Variants in SYNE3 observed in about 807,000 individuals in gnomAD.
SYNE3 encodes the protein nesprin-3.
In SYNE3, 100 loss-of-function variants were observed where a neutral mutation model predicts 111.2. The observed-to-expected ratio is 0.90, with a 90% CI of 0.77 to 1.06. The LOEUF (loss-of-function observed/expected upper bound fraction) is 1.06, where lower values mean the gene tolerates loss of function less well. Ranked by LOEUF, SYNE3 falls within the 50% of genes least tolerant of loss-of-function variation. The pLI is 0.00. For synonymous variants in SYNE3, 547 were observed against 533.9 expected (o/e 1.02, Z -0.34); for missense variants, 1,160 against 1,240.3 (o/e 0.94, Z 0.97).
At chr14:95,450,235 GT>G in intron 7 of SYNE3, 130 bp from the exon 8 acceptor site, 1 of 1,074,750 alleles carries the variant, frequency 9.3e-7, no homozygotes, top group South Asian at 1.6e-5. Flanking sequence ...TCCTGTTTCA[GT>G]TGCTGGGAAT....
chr14:95,452,475 G>A lies in SYNE3; in HGVS notation c.1138-92C>T, dbSNP rs1362728400. On this transcript the variant is annotated intron_variant, in intron 6 of 17. Transcript: ENST00000682763. Reference sequence around the variant, plus strand: ...GAGGGTGAGCGTGGCCAGTGGAGGTGGGCTAGGCTAGGAAGAAACTGTCAC... The same window carrying A: ...GAGGGTGAGCGTGGCCAGTGGAGGTAGGCTAGGCTAGGAAGAAACTGTCAC... 27 of 1,422,312 alleles carry A rather than the reference G, an allele frequency of 1.9e-5. No homozygotes were observed. In the Admixed American group the frequency reaches 1.9e-4, roughly 10 times the overall value. The allele number at this position is 1,422,312 out of a possible 1,614,324, so 88.1% of individuals were successfully genotyped here.
intron 17 of SYNE3, among the ~76,000 whole-genome samples, chr14:95,431,303 A>G (rs1434664686): frequency 6.6e-6 from 1 of 152,182 alleles, no homozygotes; most frequent in Non-Finnish European, 1.5e-5. Flanking sequence ...GCCAGAGACC[A>G]CTGAGGGGCT....
intron 1 of SYNE3, among the ~76,000 whole-genome samples, chr14:95,487,393 G>C (rs1889602153): frequency 6.6e-6 from 1 of 152,212 alleles, no homozygotes; most frequent in African/African-American, 2.4e-5. Context: ...GTGAGGGATA[G>C]AGTGAGACCC....
intron 6 of SYNE3, among the ~76,000 whole-genome samples, chr14:95,454,336 C>T (rs962553285): frequency 4.6e-5 from 7 of 152,260 alleles, no homozygotes; most frequent in African/African-American, 1.7e-4. Context: ...CCTGTCTCCA[C>T]CTATTGGATG....
intron 7 of SYNE3, 95 bp downstream of exon 7, chr14:95,452,152 T>C: frequency 7.2e-7 from 1 of 1,390,726 alleles, no homozygotes; most frequent in South Asian, 1.6e-5. Flanking sequence ...TAGAAGTTAC[T>C]ATGTTGTAGG....
chr14:95,474,953 T>C (rs1010217893), intron 2 of SYNE3, among the ~76,000 whole-genome samples: 6 of 152,208 alleles, frequency 3.9e-5, no homozygotes, highest in Non-Finnish European at 7.3e-5. Flanking sequence ...AACTGCTCCA[T>C]TTGCAGATGG....
At chr14:95,437,801 G>C (rs1405561120) in intron 14 of SYNE3, 1 of 152,016 alleles carries the variant, frequency 6.6e-6, no homozygotes, top group East Asian at 1.9e-4. Flanking sequence ...AATGTAGTTA[G>C]TTCTTTTTTT....
At chr14:95,484,296 G>A (rs1451912184) in intron 1 of SYNE3, among the ~76,000 whole-genome samples, 1 of 152,188 alleles carries the variant, frequency 6.6e-6, no homozygotes, top group Non-Finnish European at 1.5e-5. Flanking sequence ...GCAGAGATAT[G>A]TTCCTAGGGC....
rs114569407 is a variant in SYNE3 at position 95,436,636 on chromosome 14, C to T, written c.2538+184G>A. Among the ~76,000 whole-genome samples, 865 of 152,268 alleles carry T rather than the reference C, an allele frequency of 5.7e-3. 8 individuals carry two copies. Among genetic ancestry groups the T allele is most frequent in the African/African-American group, 0.02 (827 of 41,530 alleles). ...GAACTACATAAGCATGCTGAACACACGAATGAATGCCAGAAAAAGTTCTAA... is the reference window on the plus strand; with the variant it reads ...GAACTACATAAGCATGCTGAACACATGAATGAATGCCAGAAAAAGTTCTAA... On this transcript the variant is annotated intron_variant, in intron 15 of 17. Coordinates refer to ENST00000682763, the MANE Select transcript of SYNE3 (RefSeq NM_152592.6).
chr14:95,428,322 T>C (rs1566957019), intron 17 of SYNE3, among the ~76,000 whole-genome samples: 1 of 152,158 alleles, frequency 6.6e-6, no homozygotes, highest in East Asian at 1.9e-4. Flanking sequence ...GACATTTTAA[T>C]TTAAAGGAAT....
intron 1 of SYNE3, among the ~76,000 whole-genome samples, chr14:95,515,746 G>A (rs1566694749): frequency 2.0e-5 from 3 of 152,338 alleles, no homozygotes; most frequent in South Asian, 4.1e-4. Context: ...AGGAACCTGG[G>A]AGAGTCCCAG....
At position 95,498,043 on chromosome 14, in the gene SYNE3, A is replaced by AT. The variant is rs1270581778; in HGVS notation, c.-15+18552_-15+18553insA. Among the ~76,000 whole-genome samples, 176 of 151,348 alleles carry AT rather than the reference A, an allele frequency of 1.2e-3. 2 individuals carry two copies. Among genetic ancestry groups the AT allele is most frequent in the Non-Finnish European group, 2.1e-3 (144 of 67,934 alleles). On this transcript the variant is annotated intron_variant, in intron 1 of 17. Transcript: ENST00000682763. The stretch of plus-strand genomic sequence containing the variant: ...ATCCCAACTCTTAAAAAAAAAAAAA[A>AT]GGAAAAAAGTAGCATCATAGAGCAG...
Position 95,436,970 on chromosome 14 carries a change from T to C in SYNE3, c.2388A>G (p.Leu796=). ...CTTCATGGCTCCCTTCTTCTTCCTGTAGAAGATTTGCCTGTAGGATCACAC... is the reference window on the plus strand; with the variant it reads ...CTTCATGGCTCCCTTCTTCTTCCTGCAGAAGATTTGCCTGTAGGATCACAC... The part of the protein sequence containing the change: ...IPRHRRRANL[L]QEEEGSHEDF... The change falls in exon 15 of 18, where the codon CTA becomes CTG. Residue 796 remains leucine, a synonymous_variant. Transcript: ENST00000682763. 1 of 1,613,168 alleles carries C rather than the reference T, an allele frequency of 6.2e-7. No individual in the cohort carries two copies. Among genetic ancestry groups the C allele is most frequent in the Non-Finnish European group, 8.5e-7 (1 of 1,179,988 alleles).
chr14:95,424,768 A>G (rs1885342446), intron 17 of SYNE3, among the ~76,000 whole-genome samples: 1 of 152,216 alleles, frequency 6.6e-6, no homozygotes, highest in Non-Finnish European at 1.5e-5. Context: ...CAAAAAGGTC[A>G]AGGTCAAGAA....
At chr14:95,472,001 G>A (rs546613537) in intron 2 of SYNE3, among the ~76,000 whole-genome samples, 2 of 152,168 alleles carry the variant, frequency 1.3e-5, no homozygotes, top group South Asian at 4.1e-4. Context: ...TAGGAAAGAG[G>A]GCTGCAGATA....
rs370007886 is a variant in SYNE3, at chr14:95,417,973, C to T, written c.2781G>A (p.Ala927=). 22 of 1,612,922 alleles carry T rather than the reference C, an allele frequency of 1.4e-5. No individual in the cohort carries two copies. Among genetic ancestry groups the T allele is most frequent in the Middle Eastern group, 3.7e-4 (2 of 5,418 alleles). ...GCAGCAGAAGCAGCTGCAGTGGGAGCGCCACACAGCACGCCCTCCGGAAGA... is the reference window on the plus strand; with the variant it reads ...GCAGCAGAAGCAGCTGCAGTGGGAGTGCCACACAGCACGCCCTCCGGAAGA... The part of the protein sequence containing the change: ...GSLFRRACCV[A]LPLQLLLLLF... The change falls in exon 18 of 18, where the codon GCG becomes GCA. Residue 927 remains alanine, a synonymous_variant. Transcript: ENST00000682763.
chr14:95,457,420 GT>G (rs111267090), intron 4 of SYNE3, 82 bp from the exon 5 acceptor site: 30 of 362,296 alleles, frequency 8.3e-5, no homozygotes, highest in Middle Eastern at 7.2e-4. Context: ...GCCTGCCTGG[GT>G]GTGTGTGTGT....
At position 95,455,571 on chromosome 14, in the gene SYNE3, G is replaced by A; in HGVS notation, c.943C>T (p.Leu315Phe). Residue 315 changes from leucine to phenylalanine, a missense_variant, in exon 6 of 18, where the codon CTC (leucine) becomes TTC (phenylalanine). Coordinates refer to ENST00000682763, the MANE Select transcript of SYNE3 (RefSeq NM_152592.6). The part of the protein sequence containing the change: ...MRKVLEKLRA[L>F]WEEEEERLRG... ...AGCCGCTCCTCCTCCTCCTCCCAGA[G>A]GGCGCGCAGCTTCTCCAGAACTTTC... The A allele has an allele frequency of 6.2e-7, 1 of 1,614,080 alleles. No individual in the cohort carries two copies. Among genetic ancestry groups the A allele is most frequent in the African/African-American group, 1.3e-5 (1 of 75,050 alleles).
rs760052843 is a variant in SYNE3, at chr14:95,443,228, T to C, written c.1838A>G (p.Gln613Arg). 1 of 1,614,248 alleles carries C rather than the reference T, an allele frequency of 6.2e-7. No individual in the cohort carries two copies. The highest frequency in any genetic ancestry group is 8.5e-7 in the Non-Finnish European group (1 of 1,180,042). Residue 613 changes from glutamine (Q) to arginine (R), a missense_variant, in exon 11 of 18, where the codon CAG becomes CGG. By Grantham distance (43) the Gln-to-Arg change is conservative. Transcript: ENST00000682763. ...TTTGTGCTGGTGGTTGGGGTTCTCC[T>C]GGACCAGAGGCCTTGCAGCCTCCAT... The part of the protein sequence containing the change: ...AQMEAARPLV[Q>R]ENPNHQHKMD...
Sources: gnomAD v4.1 joint callset for allele counts (sites outside exome capture counted in the v4.1 genomes callset) on GRCh38, gnomAD v4.1.1 for gene constraint, MANE v1.5 for transcripts, NCBI Gene and HGNC (gene_info 2026-07-23, HGNC 2026-07-21) for gene names.